The following ARHGAP18 variants were observed in gnomAD, a reference collection of about 807,000 sequenced individuals.
ARHGAP18 encodes rho GTPase-activating protein 18.
ARHGAP18 carries 67 observed loss-of-function variants against 86.2 expected under a neutral mutation model. That is an observed-to-expected ratio of 0.78 (90% CI 0.64 to 0.95). The LOEUF (loss-of-function observed/expected upper bound fraction) is 0.95. Among genes scored for constraint, ARHGAP18 ranks in the 40% least tolerant of loss-of-function variants. The probability of loss-of-function intolerance (pLI) is 0.00; values close to 1 mark genes in which losing one functional copy is unlikely to be tolerated. For missense variants in ARHGAP18, 691 were observed against 780.4 expected (o/e 0.89, Z 1.37); for synonymous variants, 283 against 280.4 (o/e 1.01, Z -0.09).
intron 1 of ARHGAP18, among the ~76,000 whole-genome samples, chr6:129,696,174 A>G (rs1272043249): frequency 6.6e-6 from 1 of 152,224 alleles, no homozygotes; most frequent in African/African-American, 2.4e-5. Flanking sequence ...TCTCAAAAAA[A>G]TAGTACTCTA....
intron 7 of ARHGAP18, among the ~76,000 whole-genome samples, chr6:129,614,509 T>C (rs955699635): frequency 6.6e-6 from 1 of 151,966 alleles, no homozygotes; most frequent in Non-Finnish European, 1.5e-5. Context: ...GGACCAAAAA[T>C]GTAAAATAAC....
Position 129,576,618 on chromosome 6 carries a change from T to C in ARHGAP18, c.*1895A>G, listed in dbSNP as rs1788180715. The C allele has an allele frequency of 6.6e-6, 1 of 152,182 alleles. No individual in the cohort carries two copies. The highest frequency in any genetic ancestry group is 2.1e-4 in the South Asian group (1 of 4,832). 9.4% of individuals were successfully genotyped at this position (152,182 alleles called of 1,614,324 possible). A position where few individuals can be genotyped will look rare whatever the true frequency, so the allele number is the denominator to read the frequency against. ...TAAGATACTTTTTCATGATCAAAAA[T>C]ATGTTGTGTCTCCCTCCTGACCCTC... is the stretch of plus-strand genomic sequence containing the variant. On this transcript the variant is annotated 3_prime_UTR_variant, in exon 15 of 15. Transcript: ENST00000368149.
At chr6:129,593,628 TC>T (rs1788560551) in intron 12 of ARHGAP18, among the ~76,000 whole-genome samples, 1 of 152,170 alleles carries the variant, frequency 6.6e-6, no homozygotes, top group African/African-American at 2.4e-5. Context: ...TGGGGCTATA[TC>T]CTCAGGCCAC....
At chr6:129,686,483 G>C (rs1185326542) in intron 1 of ARHGAP18, among the ~76,000 whole-genome samples, 1 of 152,194 alleles carries the variant, frequency 6.6e-6, no homozygotes, top group African/African-American at 2.4e-5. Flanking sequence ...TATGAGGATA[G>C]AGGTTCCCTG....
chr6:129,704,462 C>CA (rs896708508), intron 1 of ARHGAP18, among the ~76,000 whole-genome samples: 8 of 150,968 alleles, frequency 5.3e-5, no homozygotes, highest in South Asian at 2.1e-4. Flanking sequence ...AAAAAACAAA[C>CA]AAAAAAAAAC....
chr6:129,668,379 C>G (rs888769914), intron 1 of ARHGAP18, among the ~76,000 whole-genome samples: 3 of 150,540 alleles, frequency 2.0e-5, no homozygotes, highest in African/African-American at 7.3e-5. Context: ...CACACACACA[C>G]ACACACACAC....
intron 1 of ARHGAP18, among the ~76,000 whole-genome samples, chr6:129,663,372 G>C (rs912988518): frequency 6.6e-6 from 1 of 152,126 alleles, no homozygotes; most frequent in African/African-American, 2.4e-5. Flanking sequence ...GACAACACAG[G>C]CTTTTTCTTT....
intron 1 of ARHGAP18, among the ~76,000 whole-genome samples, chr6:129,688,950 T>A (rs1774480138): frequency 6.6e-6 from 1 of 152,160 alleles, no homozygotes; most frequent in African/African-American, 2.4e-5. Flanking sequence ...AAAACTTCTA[T>A]TTTCTTCCTG....
chr6:129,629,245 C>CTA (rs1216625692), intron 5 of ARHGAP18, 108 bp downstream of exon 5: 10 of 884,238 alleles, frequency 1.1e-5, no homozygotes, highest in African/African-American at 9.1e-5. Flanking sequence ...CTCTCTCTCT[C>CTA]TCTATATATA....
intron 13 of ARHGAP18, among the ~76,000 whole-genome samples, chr6:129,583,399 G>C (rs1159384812): frequency 6.6e-6 from 1 of 152,156 alleles, no homozygotes; most frequent in Non-Finnish European, 1.5e-5. Context: ...GATGCTAGCA[G>C]CTTTCAAATG....
At chr6:129,593,239 C>T (rs58570760) in intron 12 of ARHGAP18, among the ~76,000 whole-genome samples, 29,902 of 151,910 alleles carry the variant, frequency 0.2, 5,614 homozygotes, top group African/African-American at 0.47. Flanking sequence ...GAGGGAGGAT[C>T]GCTTCATGCC....
At chr6:129,674,496 A>T (rs954630257) in intron 1 of ARHGAP18, among the ~76,000 whole-genome samples, 3 of 152,278 alleles carry the variant, frequency 2.0e-5, no homozygotes, top group Non-Finnish European at 4.4e-5. Flanking sequence ...CTGTGGATTC[A>T]GCCAACCATG....
chr6:129,632,651 C>A (rs547916236), intron 4 of ARHGAP18, among the ~76,000 whole-genome samples: 2 of 152,286 alleles, frequency 1.3e-5, no homozygotes, highest in African/African-American at 4.8e-5. Context: ...TCTGAGAAAA[C>A]ACCTAGTGAT....
chr6:129,681,479 G>GTA (rs1166440047), intron 1 of ARHGAP18, among the ~76,000 whole-genome samples: 1 of 152,208 alleles, frequency 6.6e-6, no homozygotes, highest in Non-Finnish European at 1.5e-5. Flanking sequence ...ATGACTGCTT[G>GTA]TATATAAGCC....
chr6:129,626,355 A>G (rs1789472166), intron 5 of ARHGAP18, among the ~76,000 whole-genome samples: 1 of 151,962 alleles, frequency 6.6e-6, no homozygotes. Flanking sequence ...CCATGATATT[A>G]AAAGGAAAGA....
At position 129,608,032 on chromosome 6, in the gene ARHGAP18, T is replaced by C. The variant is rs1475054060; in HGVS notation, c.1143A>G (p.Glu381=). The part of the protein sequence containing the change: ...IRIKNLCQEL[E]AKFYEGTFNW... ...TAAAAGTCCCTTCATAAAACTTTGC[T>C]TCTAGTTCTTGGCAAAGATTCTGAT... The change falls in exon 9 of 15, where the codon GAA becomes GAG. Residue 381 remains glutamate, a synonymous_variant. Transcript: ENST00000368149. The C allele has an allele frequency of 6.3e-7, 1 of 1,593,338 alleles. No homozygotes were observed. Among genetic ancestry groups the C allele is most frequent in the African/African-American group, 1.4e-5 (1 of 72,136 alleles).
intron 12 of ARHGAP18, among the ~76,000 whole-genome samples, chr6:129,585,020 CTT>C (rs59934135): frequency 0.29 from 41,563 of 142,970 alleles, 6,018 homozygotes; most frequent in Middle Eastern, 0.41. Context: ...ATATCATGTC[CTT>C]TTTTTTTTTT....
intron 14 of ARHGAP18, 125 bp downstream of exon 14, chr6:129,579,945 G>T (rs1472809009): frequency 3.7e-6 from 3 of 812,210 alleles, no homozygotes; most frequent in Non-Finnish European, 5.9e-6. Flanking sequence ...ACAATATTCA[G>T]CAACTTATCT....
intron 1 of ARHGAP18, among the ~76,000 whole-genome samples, chr6:129,653,570 T>C (rs894941806): frequency 6.6e-6 from 1 of 152,238 alleles, no homozygotes; most frequent in African/African-American, 2.4e-5. Flanking sequence ...AATTCATTTA[T>C]GTTTTCTACT....
Sources: allele counts gnomAD v4.1 joint callset (sites outside exome capture counted in the v4.1 genomes callset), GRCh38; gene constraint gnomAD v4.1.1; transcripts MANE v1.5; gene names NCBI Gene and HGNC (gene_info 2026-07-23, HGNC 2026-07-21).